SEC14L1: variants seen among roughly 807,000 people sequenced by gnomAD.
SEC14L1 encodes SEC14-like protein 1.
In SEC14L1, 48 loss-of-function variants were observed where a neutral mutation model predicts 85.3. The ratio of observed to expected loss-of-function variants is 0.56; its 90% CI spans 0.45 to 0.72. SEC14L1 has a LOEUF of 0.72. Ranked by LOEUF, SEC14L1 falls within the 30% of genes least tolerant of loss-of-function variation. The pLI is 0.00. For missense variants in SEC14L1, 682 were observed against 921.4 expected, an observed-to-expected ratio of 0.74 and a Z score of 3.36; for synonymous variants, 391 against 355.5, an observed-to-expected ratio of 1.10 and a Z score of -1.12.
chr17:77,189,112 G>C (rs902891127), intron 3 of SEC14L1, among the ~76,000 whole-genome samples: 1 of 151,736 alleles, frequency 6.6e-6, no homozygotes, highest in Non-Finnish European at 1.5e-5. Flanking sequence ...GATCTTAATT[G>C]GCTTTTTTGA....
chr17:77,089,075 C>T (rs188993671), intron 1 of SEC14L1: 1 of 213,070 alleles, frequency 4.7e-6, no homozygotes, highest in East Asian at 1.7e-4. Context: ...GCTGGGTTAG[C>T]CCAGGTTTCT....
chr17:77,153,148 A>C (rs570832279), intron 3 of SEC14L1, among the ~76,000 whole-genome samples: 233 of 152,116 alleles, frequency 1.5e-3, no homozygotes, highest in Middle Eastern at 0.01. Flanking sequence ...GCTCACTGCA[A>C]CCTCCGCCTC....
chr17:77,176,234 G>A (rs566396096), intron 3 of SEC14L1, among the ~76,000 whole-genome samples: 43 of 152,132 alleles, frequency 2.8e-4, no homozygotes, highest in East Asian at 1.7e-3. Flanking sequence ...AGGTTGCAGC[G>A]AGCCGAGATC....
At chr17:77,104,803 AAAAAG>A (rs1327481035) in intron 3 of SEC14L1, among the ~76,000 whole-genome samples, 393 of 151,398 alleles carry the variant, frequency 2.6e-3, no homozygotes, top group African/African-American at 7.7e-3. Context: ...AAAAAAAAAA[AAAAAG>A]AAAGTTTTTT....
At position 77,206,681 on chromosome 17, in the gene SEC14L1, C is replaced by G. The variant is rs1200411365; in HGVS notation, c.1342-47C>G. On this transcript the variant is annotated intron_variant, in intron 12 of 16. Transcript: ENST00000436233. The surrounding 1 kb of genome is among the most constrained non-coding windows in gnomAD (Gnocchi z 4.3). The stretch of plus-strand genomic sequence containing the variant: ...CACATTGTCATTTTAATCTTGGACA[C>G]TCAGGCAGCAGAGAAATATGACTGC... The G allele has an allele frequency of 2.6e-6, 4 of 1,560,402 alleles. No individual in the cohort carries two copies. Among genetic ancestry groups the G allele is most frequent in the Non-Finnish European group, 3.5e-6 (4 of 1,155,456 alleles).
intron 3 of SEC14L1, among the ~76,000 whole-genome samples, chr17:77,129,369 A>G (rs2143439456): frequency 6.6e-6 from 1 of 152,258 alleles, no homozygotes; most frequent in East Asian, 1.9e-4. Flanking sequence ...TCAGACCCAC[A>G]GGTCCTGCCA....
chr17:77,145,111 GTGTGTGTGTGTGTGTGTGTGTGTGTA>G (rs1973235354), intron 3 of SEC14L1: 1 of 142,984 alleles, frequency 7.0e-6, no homozygotes, highest in Non-Finnish European at 1.5e-5. Context: ...GTGTGTGTGT[GTGTGTGTGTGTGTGTGTGTGTGTGTA>G]TATATACACA....
rs974744199 is a variant in SEC14L1 at position 77,216,702 on chromosome 17, C to T, written c.*2679C>T. The T allele has an allele frequency of 2.0e-6, 3 of 1,471,072 alleles. No individual in the cohort carries two copies. The African/African-American group carries it at 4.2e-5, about 21-fold the overall frequency. 91.1% of individuals were successfully genotyped at this position (1,471,072 alleles called of 1,614,324 possible). ...TTTAAGTTGATTCGGGAGTGGCATTCTTTTATACCCAAAGACTGTAGTGCA... is the reference window on the plus strand; with the variant it reads ...TTTAAGTTGATTCGGGAGTGGCATTTTTTTATACCCAAAGACTGTAGTGCA... On this transcript the variant is annotated 3_prime_UTR_variant, in exon 17 of 17. Coordinates refer to ENST00000436233, the MANE Select transcript of SEC14L1 (RefSeq NM_001143998.2).
At chr17:77,148,048 C>T (rs1387920980) in intron 3 of SEC14L1, among the ~76,000 whole-genome samples, 3 of 152,076 alleles carry the variant, frequency 2.0e-5, no homozygotes, top group Non-Finnish European at 2.9e-5. Flanking sequence ...TTCTAGGGTG[C>T]TTGAGTTGAA....
chr17:77,150,934 A>G (rs1052493253), intron 3 of SEC14L1, among the ~76,000 whole-genome samples: 1 of 152,186 alleles, frequency 6.6e-6, no homozygotes, highest in African/African-American at 2.4e-5. Flanking sequence ...TTTTCAGTCC[A>G]TCGTTCATCT....
At chr17:77,143,308 A>G (rs567556038) in intron 2 of SEC14L1, among the ~76,000 whole-genome samples, 1 of 152,214 alleles carries the variant, frequency 6.6e-6, no homozygotes, top group African/African-American at 2.4e-5. Flanking sequence ...CCAGTAAGCC[A>G]ATGAGAGGAT....
At chr17:77,147,672 G>A (rs1246820075) in intron 3 of SEC14L1, among the ~76,000 whole-genome samples, 1 of 152,124 alleles carries the variant, frequency 6.6e-6, no homozygotes, top group Non-Finnish European at 1.5e-5. Flanking sequence ...CCAGGGATGT[G>A]TACCTGAAAC....
rs980970256 is a variant in SEC14L1 at position 77,206,663 on chromosome 17, T to G, written c.1342-65T>G. ...CCCTCCCACTCAGAATACCACATTG[T>G]CATTTTAATCTTGGACACTCAGGCA... On this transcript the variant is annotated intron_variant, in intron 12 of 16. Coordinates refer to ENST00000436233, the MANE Select transcript of SEC14L1 (RefSeq NM_001143998.2). The surrounding 1 kb of genome is among the most constrained non-coding windows in gnomAD (Gnocchi z 4.3). 27 of 1,544,574 alleles carry G rather than the reference T, an allele frequency of 1.7e-5. No homozygotes were observed. Among genetic ancestry groups the G allele is most frequent in the Non-Finnish European group, 2.4e-5 (27 of 1,144,228 alleles).
At chr17:77,124,288 C>T (rs971660112) in intron 3 of SEC14L1, among the ~76,000 whole-genome samples, 1 of 152,192 alleles carries the variant, frequency 6.6e-6, no homozygotes, top group Admixed American at 6.5e-5. Flanking sequence ...CATTTGCGCC[C>T]AGGAGGTCGC....
chr17:77,214,087 A>C lies in SEC14L1; in HGVS notation c.*64A>C. 6.4e-7 allele frequency: 1 copy of C among 1,567,020 alleles called. No individual in the cohort carries two copies. Reference sequence around the variant, plus strand: ...CGCCCCTCCTCGGACAGCCAGCTGCACCCGCCCACCCAGCGGCGACATTGT... The same window carrying C: ...CGCCCCTCCTCGGACAGCCAGCTGCCCCCGCCCACCCAGCGGCGACATTGT... On this transcript the variant is annotated 3_prime_UTR_variant, in exon 17 of 17. Transcript: ENST00000436233.
chr17:77,174,226 C>G (rs376000012), intron 3 of SEC14L1, among the ~76,000 whole-genome samples: 1 of 152,238 alleles, frequency 6.6e-6, no homozygotes, highest in East Asian at 1.9e-4. Flanking sequence ...GCCTCTTGCA[C>G]TCTTTCTTTA....
chr17:77,136,286 T>C (rs1972797574), upstream of SEC14L1, among the ~76,000 whole-genome samples: 2 of 151,622 alleles, frequency 1.3e-5, no homozygotes, highest in African/African-American at 4.8e-5. Context: ...TCTCTCTTCC[T>C]TTCTTTCTCT....
At chr17:77,187,673 C>G (rs1045158299) in intron 3 of SEC14L1, among the ~76,000 whole-genome samples, 6 of 151,810 alleles carry the variant, frequency 4.0e-5, no homozygotes, top group African/African-American at 9.7e-5. Flanking sequence ...CCACTGCACC[C>G]GGCCTTATTC....
intron 13 of SEC14L1, among the ~76,000 whole-genome samples, chr17:77,208,704 T>C (rs1976590757): frequency 6.6e-6 from 1 of 152,170 alleles, no homozygotes; most frequent in African/African-American, 2.4e-5. Context: ...AAGACTGAAA[T>C]GTTTATTTTC....
Sources: gnomAD v4.1 joint callset for allele counts (sites outside exome capture counted in the v4.1 genomes callset) on GRCh38, gnomAD v4.1.1 for gene constraint, Gnocchi (gnomAD v3.1) non-coding constraint, MANE v1.5 for transcripts, NCBI Gene and HGNC (gene_info 2026-07-23, HGNC 2026-07-21) for gene names.